Variants in LDLRAD4 observed in about 807,000 individuals in gnomAD.
LDLRAD4 encodes low-density lipoprotein receptor class A domain-containing protein 4.
A neutral mutation model predicts 17.0 loss-of-function variants in LDLRAD4; 5 were observed. That is an observed-to-expected ratio of 0.29 (90% confidence interval 0.15 to 0.62). LDLRAD4 has a LOEUF of 0.62. Among genes scored for constraint, LDLRAD4 ranks in the 20% least tolerant of loss-of-function variants. The pLI is 0.84. For synonymous variants in LDLRAD4, 168 were observed against 171.8 expected, an observed-to-expected ratio of 0.98 and a Z score of 0.17; for missense variants, 340 against 424.7, an observed-to-expected ratio of 0.80 and a Z score of 1.75.
Position 13,622,902 on chromosome 18 carries a change from T to A in LDLRAD4, c.336+1631T>A, listed in dbSNP as rs1284907580. The stretch of plus-strand genomic sequence containing the variant: ...TCCAGGAGCTCCAGAACGCTTGGGG[T>A]CTCTGTGCGCAGGCACACAGGGAGT... On this transcript the variant is annotated intron_variant, in intron 4 of 5. Coordinates refer to ENST00000359446, the Ensembl canonical transcript of LDLRAD4. The surrounding 1 kb of genome is among the most constrained non-coding windows in gnomAD (Gnocchi z 5.3). Among the ~76,000 whole-genome samples the A allele has an allele frequency of 6.6e-6, 1 of 152,070 alleles. No homozygotes were observed. The highest frequency in any genetic ancestry group is 1.5e-5 in the Non-Finnish European group (1 of 68,000).
chr18:13,636,710 G>C (rs924574532), intron 4 of LDLRAD4, among the ~76,000 whole-genome samples: 2 of 151,944 alleles, frequency 1.3e-5, no homozygotes, highest in African/African-American at 4.8e-5. Flanking sequence ...ATGTTGGCCA[G>C]GCTGGTCTTG....
intron 1 of LDLRAD4, among the ~76,000 whole-genome samples, chr18:13,360,306 C>T (rs1040616025): frequency 3.3e-5 from 5 of 152,234 alleles, no homozygotes; most frequent in Non-Finnish European, 7.3e-5. Context: ...AGATTCCCTT[C>T]TCAGAAAAGT....
chr18:13,501,453 G>A (rs1420892305), intron 3 of LDLRAD4, among the ~76,000 whole-genome samples: 2 of 152,144 alleles, frequency 1.3e-5, no homozygotes, highest in East Asian at 3.8e-4. Flanking sequence ...ACGGCTGCAT[G>A]GCCCAGACCC....
At chr18:13,646,234 A>C (rs1169553867) in exon 6 of LDLRAD4, 1 of 152,676 alleles carries the variant, frequency 6.5e-6, no homozygotes, top group Non-Finnish European at 1.5e-5. Flanking sequence ...GTGTTTTAAA[A>C]GTTGCACTAT....
chr18:13,350,358 G>T (rs1199913784), intron 1 of LDLRAD4, among the ~76,000 whole-genome samples: 1 of 152,132 alleles, frequency 6.6e-6, no homozygotes, highest in Non-Finnish European at 1.5e-5. Flanking sequence ...TTATGGTTTT[G>T]ATTTGCATTT....
intron 2 of LDLRAD4, among the ~76,000 whole-genome samples, chr18:13,433,167 A>G (rs1431423298): frequency 1.3e-5 from 2 of 152,224 alleles, no homozygotes; most frequent in Non-Finnish European, 2.9e-5. Context: ...GAACCCATTA[A>G]TTCTTGGCTT....
chr18:13,619,831 A>C (rs2040448145), intron 3 of LDLRAD4, among the ~76,000 whole-genome samples: 1 of 152,056 alleles, frequency 6.6e-6, no homozygotes, highest in African/African-American at 2.4e-5. Context: ...CTGCGGGGGC[A>C]GGGGGCCCTT....
chr18:13,234,432 CCTGGCCCAGCATCGGGCTGCCAGGA>C (rs2042236047), intron 1 of LDLRAD4, among the ~76,000 whole-genome samples: 2 of 61,320 alleles, frequency 3.3e-5, no homozygotes, highest in African/African-American at 1.2e-4. Flanking sequence ...TTGTCCCTGT[CCTGGCCCAGCATCGGGCTGCCAGGA>C]CTGTTTGTTG....
At chr18:13,324,613 C>T (rs187009617) in intron 1 of LDLRAD4, among the ~76,000 whole-genome samples, 4 of 152,180 alleles carry the variant, frequency 2.6e-5, no homozygotes, top group Admixed American at 2.0e-4. Context: ...GCCAGGCATC[C>T]GGGCAGCAGG....
intron 1 of LDLRAD4, among the ~76,000 whole-genome samples, chr18:13,380,013 C>CCCT (rs2085230630): frequency 6.6e-6 from 1 of 152,134 alleles, no homozygotes. Flanking sequence ...CCCGTCAGCC[C>CCCT]GAGCCCTCAC....
intron 3 of LDLRAD4, among the ~76,000 whole-genome samples, chr18:13,456,042 C>T (rs1176173021): frequency 2.0e-5 from 3 of 152,084 alleles, no homozygotes; most frequent in East Asian, 1.9e-4. Context: ...TTGCTTGGCT[C>T]CCAGCATATG....
At chr18:13,259,363 A>G (rs902789054) in intron 1 of LDLRAD4, among the ~76,000 whole-genome samples, 3 of 152,072 alleles carry the variant, frequency 2.0e-5, no homozygotes, top group Non-Finnish European at 4.4e-5. Context: ...TTTGGTAAAG[A>G]CAGGGTCTCA....
intron 1 of LDLRAD4, among the ~76,000 whole-genome samples, chr18:13,372,752 T>G (rs551744006): frequency 3.3e-5 from 5 of 152,342 alleles, no homozygotes; most frequent in African/African-American, 1.2e-4. Context: ...ATGTTCATGC[T>G]CCATGTCCTG....
intron 1 of LDLRAD4, among the ~76,000 whole-genome samples, chr18:13,321,401 TTTAA>T (rs1250918888): frequency 6.6e-6 from 1 of 152,272 alleles, no homozygotes; most frequent in Non-Finnish European, 1.5e-5. Flanking sequence ...TTTGTGGCTA[TTTAA>T]TTCTCTTCGG....
chr18:13,385,463 T>A (rs994852121), intron 1 of LDLRAD4, among the ~76,000 whole-genome samples: 2 of 152,184 alleles, frequency 1.3e-5, no homozygotes, highest in Non-Finnish European at 2.9e-5. Flanking sequence ...TTCCTTATGA[T>A]AACCTGATTT....
chr18:13,436,461 G>A (rs908560363), intron 2 of LDLRAD4, among the ~76,000 whole-genome samples: 1 of 152,212 alleles, frequency 6.6e-6, no homozygotes. Context: ...TCAAACCACA[G>A]CAATGGTGAA....
chr18:13,248,697 C>T (rs1173823021), intron 1 of LDLRAD4, among the ~76,000 whole-genome samples: 2 of 152,134 alleles, frequency 1.3e-5, no homozygotes, highest in Admixed American at 6.5e-5. Context: ...ACATATGTGT[C>T]GTGATCAGAT....
chr18:13,336,105 A>G (rs893482812), intron 1 of LDLRAD4, among the ~76,000 whole-genome samples: 1 of 152,158 alleles, frequency 6.6e-6, no homozygotes, highest in Non-Finnish European at 1.5e-5. Flanking sequence ...GAGTGCAGGG[A>G]GGTGCCTGAC....
At chr18:13,320,883 C>T (rs1452521416) in intron 1 of LDLRAD4, among the ~76,000 whole-genome samples, 1 of 152,168 alleles carries the variant, frequency 6.6e-6, no homozygotes, top group Non-Finnish European at 1.5e-5. Flanking sequence ...GTTGTCATTC[C>T]CTCCCAGTGG....
Sources: gnomAD v4.1 joint callset for allele counts (sites outside exome capture counted in the v4.1 genomes callset) on GRCh38, gnomAD v4.1.1 for gene constraint, Gnocchi (gnomAD v3.1) non-coding constraint, MANE v1.5 for transcripts, NCBI Gene and HGNC (gene_info 2026-07-23, HGNC 2026-07-21) for gene names.